Variants in CHST8 observed in about 807,000 individuals in gnomAD.
CHST8 encodes carbohydrate sulfotransferase 8.
Under a neutral mutation model 15.0 loss-of-function variants are expected in CHST8, and 10 were observed. The ratio of observed to expected loss-of-function variants is 0.67; its 90% CI spans 0.41 to 1.13. CHST8 has a LOEUF of 1.13. Among genes scored for constraint, CHST8 ranks in the 50% most tolerant of loss-of-function variants. The pLI is 0.00. For missense variants in CHST8, 634 were observed against 608.2 expected (o/e 1.04, Z -0.45); for synonymous variants, 259 against 256.6 (o/e 1.01, Z -0.09).
intron 3 of CHST8, among the ~76,000 whole-genome samples, chr19:33,693,180 A>G (rs1030812225): frequency 6.6e-5 from 10 of 151,770 alleles, no homozygotes; most frequent in African/African-American, 2.2e-4. Context: ...CTAATTTTGT[A>G]TTTTTAGTAG....
At chr19:33,647,771 G>A (rs1277329833) in intron 1 of CHST8, among the ~76,000 whole-genome samples, 2 of 151,966 alleles carry the variant, frequency 1.3e-5, no homozygotes, top group African/African-American at 4.8e-5. Context: ...ACTTGAACCC[G>A]GGAGGCGGAG....
rs367805099 is a variant in CHST8, at chr19:33,648,736, T to G, written c.-163-19031T>G. 1.9e-4 allele frequency among the ~76,000 whole-genome samples: 29 copies of G among 151,916 alleles called. 1 individual carries two copies. Among genetic ancestry groups the G allele is most frequent in the East Asian group, 1.4e-3 (7 of 5,178 alleles). ...TACCCAAGAGAAATGAAAATATATG[T>G]CCCCAAAGACTTTGTACACGAATGT... On this transcript the variant is annotated intron_variant, in intron 1 of 4. Transcript: ENST00000650847.
intron 3 of CHST8, among the ~76,000 whole-genome samples, chr19:33,770,193 C>T (rs1283865721): frequency 9.9e-5 from 15 of 152,222 alleles, no homozygotes; most frequent in African/African-American, 3.6e-4. Context: ...CAGCTGGGCT[C>T]CTGCCACTGG....
chr19:33,757,520 A>AAGAGAGAGAGAG lies in CHST8; in HGVS notation c.131-13888_131-13887insGAGAGAGAGAGA, dbSNP rs1491464750. On this transcript the variant is annotated intron_variant, in intron 3 of 4. Coordinates refer to ENST00000650847, the MANE Select transcript of CHST8 (RefSeq NM_001127895.2). ...AAAGAAAGAAAGAAAGAAAGAAAGA[A>AAGAGAGAGAGAG]AGAGAAAGAAAGAAAGAAAGAAAGA... 3.4e-4 allele frequency among the ~76,000 whole-genome samples: 7 copies of AAGAGAGAGAGAG among 20,694 alleles called. 2 individuals carry two copies. The highest frequency in any genetic ancestry group is 7.4e-4 in the African/African-American group (3 of 4,070). 13.6% of individuals were successfully genotyped at this position (20,694 alleles called of 152,430 possible).
rs1972430116 is a variant in CHST8, at chr19:33,650,519, T to TTTTC, written c.-163-17245_-163-17244insCTTT. 4.9e-3 allele frequency among the ~76,000 whole-genome samples: 79 copies of TTTTC among 16,138 alleles called. 13 individuals are homozygous for TTTTC. The highest frequency in any genetic ancestry group is 0.014 in the African/African-American group (77 of 5,594). The allele number at this position is 16,138 out of a possible 152,430, so 10.6% of individuals were successfully genotyped here. On this transcript the variant is annotated intron_variant, in intron 1 of 4. Coordinates refer to ENST00000650847, the MANE Select transcript of CHST8 (RefSeq NM_001127895.2). ...TCTTTTTCTTTTTCTTTTTCTTTTCTTTTTTTTTTTTTTTTTTTTTTTTTT... is the reference window on the plus strand; with the variant it reads ...TCTTTTTCTTTTTCTTTTTCTTTTCTTTTCTTTTTTTTTTTTTTTTTTTTTTTTT...
At chr19:33,667,616 C>G (rs1234109874) in intron 1 of CHST8, among the ~76,000 whole-genome samples, 151 bp from the exon 2 acceptor site, 1 of 152,090 alleles carries the variant, frequency 6.6e-6, no homozygotes, top group African/African-American at 2.4e-5. Context: ...CTCCATTGAG[C>G]GAATGCATTA....
chr19:33,644,633 TGA>T (rs1972327275), intron 1 of CHST8, among the ~76,000 whole-genome samples: 1 of 151,944 alleles, frequency 6.6e-6, no homozygotes, highest in Non-Finnish European at 1.5e-5. Context: ...CCCAGCAACT[TGA>T]GAGTCTGAGG....
chr19:33,668,810 T>C (rs1333848270), intron 2 of CHST8, among the ~76,000 whole-genome samples: 2 of 152,166 alleles, frequency 1.3e-5, no homozygotes, highest in Non-Finnish European at 2.9e-5. Flanking sequence ...TTCGTGACAC[T>C]CGTATTAGGA....
intron 1 of CHST8, among the ~76,000 whole-genome samples, chr19:33,652,393 T>G (rs1034547301): frequency 2.1e-5 from 3 of 145,432 alleles, no homozygotes; most frequent in South Asian, 4.3e-4. Context: ...TTTTTTTTTT[T>G]GAGACAGCTT....
rs1254733043 is a variant in CHST8 at position 33,667,764 on chromosome 19, T to G, written c.-163-3T>G. The G allele has an allele frequency of 6.6e-6, 1 of 152,144 alleles. No individual in the cohort carries two copies. The highest frequency in any genetic ancestry group is 1.9e-4 in the East Asian group (1 of 5,194). The allele number at this position is 152,144 out of a possible 1,614,324, so 9.4% of individuals were successfully genotyped here. A position where few individuals can be genotyped will look rare whatever the true frequency, so the allele number is the denominator to read the frequency against. ...TCAGACACATTTATTTATTTTTTTT[T>G]AGGTTTAAAGGTCAACAAGAATATC... On this transcript the variant is annotated splice_polypyrimidine_tract_variant and splice_region_variant and intron_variant, in intron 1 of 4. Transcript: ENST00000650847.
intron 1 of CHST8, among the ~76,000 whole-genome samples, chr19:33,632,425 G>A (rs150381019): frequency 0.038 from 5,729 of 152,194 alleles, 217 homozygotes; most frequent in Non-Finnish European, 0.05. Context: ...AAAGTGCTGG[G>A]ATTACAGGTG....
intron 3 of CHST8, among the ~76,000 whole-genome samples, chr19:33,691,960 A>AG (rs1299447959): frequency 1.3e-5 from 2 of 152,124 alleles, no homozygotes; most frequent in Non-Finnish European, 2.9e-5. Flanking sequence ...GGGGATGGGG[A>AG]GTGGCGGGAA....
At position 33,648,620 on chromosome 19, in the gene CHST8, A is replaced by G. The variant is rs150199650; in HGVS notation, c.-163-19147A>G. Among the ~76,000 whole-genome samples the G allele has an allele frequency of 4.1e-3, 625 of 152,292 alleles. 4 individuals are homozygous for G. Among genetic ancestry groups the G allele is most frequent in the African/African-American group, 0.014 (597 of 41,570 alleles). ...CTGGGCGTGGTGGCTCATGCCTATA[A>G]TCCCAGCACTCTTGGAAAACGGTCT... On this transcript the variant is annotated intron_variant, in intron 1 of 4. Transcript: ENST00000650847.
chr19:33,644,569 TA>T (rs968995160), intron 1 of CHST8, among the ~76,000 whole-genome samples: 29 of 149,126 alleles, frequency 1.9e-4, no homozygotes, highest in East Asian at 2.0e-4. Flanking sequence ...ACTCCGTCTC[TA>T]AAAAAAAAAA....
chr19:33,663,685 A>G (rs1171768685), intron 1 of CHST8, among the ~76,000 whole-genome samples: 3 of 152,188 alleles, frequency 2.0e-5, no homozygotes, highest in African/African-American at 7.2e-5. Context: ...ATCCTGGCCA[A>G]CATGGTGAAA....
At chr19:33,646,481 G>A (rs1972358091) in intron 1 of CHST8, among the ~76,000 whole-genome samples, 2 of 152,238 alleles carry the variant, frequency 1.3e-5, no homozygotes, top group African/African-American at 4.8e-5. Context: ...CAATAGTGAT[G>A]TTATCTACAG....
At chr19:33,631,113 T>A (rs769883763) in intron 1 of CHST8, among the ~76,000 whole-genome samples, 3 of 152,212 alleles carry the variant, frequency 2.0e-5, no homozygotes, top group South Asian at 2.1e-4. Context: ...GCCGGCGCTG[T>A]CTATGCTGGT....
intron 1 of CHST8, among the ~76,000 whole-genome samples, chr19:33,633,945 T>C (rs970180880): frequency 2.0e-5 from 3 of 152,036 alleles, no homozygotes; most frequent in African/African-American, 7.2e-5. Flanking sequence ...ACCACAGGTG[T>C]GCACCACCAC....
At chr19:33,624,509 G>C (rs1352008016) in intron 1 of CHST8, among the ~76,000 whole-genome samples, 2 of 152,188 alleles carry the variant, frequency 1.3e-5, no homozygotes, top group Non-Finnish European at 2.9e-5. Context: ...AGGGTATCCA[G>C]GGAATTTCAT....
Sources: allele counts gnomAD v4.1 joint callset (sites outside exome capture counted in the v4.1 genomes callset), GRCh38; gene constraint gnomAD v4.1.1; transcripts MANE v1.5; gene names NCBI Gene and HGNC (gene_info 2026-07-23, HGNC 2026-07-21).